The following NELL2 variants were observed in gnomAD, a reference collection of about 807,000 sequenced individuals.
NELL2 encodes the protein neural EGFL like 2.
Under a neutral mutation model 109.6 loss-of-function variants are expected in NELL2, and 41 were observed. The observed-to-expected ratio is 0.37, with a 90% CI of 0.29 to 0.49. The LOEUF is 0.49. NELL2 is among the 20% of genes least tolerant of loss of function. The pLI is 0.98. For synonymous variants in NELL2, 355 were observed against 344.7 expected (o/e 1.03, Z -0.33); for missense variants, 900 against 1,008.3 (o/e 0.89, Z 1.45).
At chr12:44,569,760 AT>A (rs35016680) in intron 15 of NELL2, among the ~76,000 whole-genome samples, 5,492 of 152,134 alleles carry the variant, frequency 0.036, 351 homozygotes, top group African/African-American at 0.13. Flanking sequence ...TGATCTATGA[AT>A]TTTTTTTATG....
At chr12:44,762,417 A>G (rs1304860009) in intron 9 of NELL2, among the ~76,000 whole-genome samples, 1 of 152,158 alleles carries the variant, frequency 6.6e-6, no homozygotes, top group African/African-American at 2.4e-5. Context: ...TTCAAAATAT[A>G]GTACATCCAA....
At chr12:44,792,395 T>C (rs1263014525) in intron 3 of NELL2, among the ~76,000 whole-genome samples, 2 of 152,120 alleles carry the variant, frequency 1.3e-5, no homozygotes, top group African/African-American at 4.8e-5. Flanking sequence ...GCTTGTATGC[T>C]GCTGCGGATA....
Position 44,876,163 on chromosome 12 carries a change from C to T in NELL2, c.-294G>A. 1 of 1,260,158 alleles carries T rather than the reference C, an allele frequency of 7.9e-7. No homozygotes were observed. The highest frequency in any genetic ancestry group is 3.4e-5 in the East Asian group (1 of 28,986). The allele number at this position is 1,260,158 out of a possible 1,614,324, so 78.1% of individuals were successfully genotyped here. A position where few individuals can be genotyped will look rare whatever the true frequency, so the allele number is the denominator to read the frequency against. On this transcript the variant is annotated 5_prime_UTR_variant, in exon 1 of 20. Transcript: ENST00000429094. Reference sequence around the variant, plus strand: ...GGGTCGGACTCGCCCCGGCGCGGCTCCGTCGGGGAATTAGCTCCCGAGCCG... The same window carrying T: ...GGGTCGGACTCGCCCCGGCGCGGCTTCGTCGGGGAATTAGCTCCCGAGCCG...
At chr12:44,609,736 G>C (rs1945539976) in intron 14 of NELL2, among the ~76,000 whole-genome samples, 1 of 151,876 alleles carries the variant, frequency 6.6e-6, no homozygotes, top group Admixed American at 6.6e-5. Context: ...CCCATCTCTG[G>C]CTACAGTGTA....
intron 9 of NELL2, among the ~76,000 whole-genome samples, chr12:44,745,764 A>C (rs1305013828): frequency 6.6e-6 from 1 of 152,198 alleles, no homozygotes; most frequent in African/African-American, 2.4e-5. Flanking sequence ...CTCTTCAAGG[A>C]CAACTACAAA....
At chr12:44,631,974 C>T (rs1406209704) in intron 13 of NELL2, among the ~76,000 whole-genome samples, 1 of 152,032 alleles carries the variant, frequency 6.6e-6, no homozygotes, top group Non-Finnish European at 1.5e-5. Context: ...GATCATACAT[C>T]CTATCTAAGT....
chr12:44,882,833 CCTTTT>C (rs1945430228), intron 1 of NELL2, among the ~76,000 whole-genome samples: 11 of 131,982 alleles, frequency 8.3e-5, no homozygotes, highest in Admixed American at 8.1e-4. Context: ...TGGCTATATA[CCTTTT>C]TTTTTTTTTT....
upstream of NELL2, among the ~76,000 whole-genome samples, chr12:44,879,295 C>T (rs968716791): frequency 1.7e-4 from 26 of 152,108 alleles, no homozygotes; most frequent in African/African-American, 6.0e-4. Flanking sequence ...AACAACCATC[C>T]GTAAGATAAT....
chr12:44,907,076 C>T (rs1945727248), intron 1 of NELL2, among the ~76,000 whole-genome samples: 1 of 152,014 alleles, frequency 6.6e-6, no homozygotes, highest in Admixed American at 6.6e-5. Flanking sequence ...GGGCTTTTCC[C>T]CCTCTTCATT....
At chr12:44,679,792 C>T (rs1051624476) in intron 12 of NELL2, among the ~76,000 whole-genome samples, 5 of 152,066 alleles carry the variant, frequency 3.3e-5, no homozygotes, top group Admixed American at 6.6e-5. Context: ...TACTCTTCTC[C>T]GCCAATCTAA....
At chr12:44,860,640 C>T (rs1024191408) in intron 2 of NELL2, among the ~76,000 whole-genome samples, 10 of 152,306 alleles carry the variant, frequency 6.6e-5, no homozygotes, top group African/African-American at 2.4e-4. Flanking sequence ...ACTCAATTAC[C>T]TCCCTCTCCC....
chr12:44,650,420 G>A (rs1159629123), intron 13 of NELL2, among the ~76,000 whole-genome samples: 3 of 151,556 alleles, frequency 2.0e-5, no homozygotes, highest in South Asian at 4.2e-4. Context: ...CTCAGCTTCC[G>A]GAGTAGCTGG....
chr12:44,881,371 A>G (rs1945410216), intron 1 of NELL2, among the ~76,000 whole-genome samples: 1 of 152,010 alleles, frequency 6.6e-6, no homozygotes. Flanking sequence ...ACAAATAAAC[A>G]CAAATACTCT....
At chr12:44,737,912 A>T (rs925130691) in intron 9 of NELL2, among the ~76,000 whole-genome samples, 18 of 152,136 alleles carry the variant, frequency 1.2e-4, no homozygotes, top group Non-Finnish European at 2.2e-4. Flanking sequence ...TGTATGACAG[A>T]CTACAGATTA....
At position 44,889,368 on chromosome 12, in the gene NELL2, A is replaced by G. The variant is rs143186500; in HGVS notation, c.39-13468T>C. On this transcript the variant is annotated intron_variant, in intron 1 of 20. Coordinates refer to the NELL2 transcript ENST00000333837. ...TGGCTTATCATATGCATTAGTCTTCAAGAGCCATGAGTCATCAGTTCAAAA... is the reference window on the plus strand; with the variant it reads ...TGGCTTATCATATGCATTAGTCTTCGAGAGCCATGAGTCATCAGTTCAAAA... 3.8e-3 allele frequency among the ~76,000 whole-genome samples: 572 copies of G among 152,138 alleles called. 13 individuals are homozygous for G. Among genetic ancestry groups the G allele is most frequent in the East Asian group, 0.035 (181 of 5,172 alleles).
chr12:44,747,871 C>T lies in NELL2; in HGVS notation c.994+26876G>A, dbSNP rs10880664. Among the ~76,000 whole-genome samples, 205 of 152,226 alleles carry T rather than the reference C, an allele frequency of 1.3e-3. 4 individuals are homozygous for T. In the East Asian group the frequency reaches 0.03, roughly 23 times the overall value. ...AATTTTAGACTTTCCTTTGGTATAGCAGAGGAAACCTGCATGCTAACTGGT... is the reference window on the plus strand; with the variant it reads ...AATTTTAGACTTTCCTTTGGTATAGTAGAGGAAACCTGCATGCTAACTGGT... On this transcript the variant is annotated intron_variant, in intron 9 of 19. Coordinates refer to ENST00000429094, the MANE Select transcript of NELL2 (RefSeq NM_001145108.2).
At chr12:44,736,466 C>T (rs1182953958) in intron 9 of NELL2, among the ~76,000 whole-genome samples, 1 of 151,796 alleles carries the variant, frequency 6.6e-6, no homozygotes, top group Admixed American at 6.6e-5. Context: ...TAACAGTAGA[C>T]TAAATAGTCG....
intron 3 of NELL2, among the ~76,000 whole-genome samples, chr12:44,788,947 G>A (rs797003670): frequency 5.3e-5 from 8 of 151,994 alleles, no homozygotes; most frequent in African/African-American, 1.7e-4. Context: ...AATCCTCCTA[G>A]GTTCACAACT....
At chr12:44,849,065 T>C (rs980970746) in intron 2 of NELL2, among the ~76,000 whole-genome samples, 2 of 152,234 alleles carry the variant, frequency 1.3e-5, no homozygotes, top group African/African-American at 4.8e-5. Flanking sequence ...TGTTTCTTTC[T>C]GTTGAATTTA....
Sources: gnomAD v4.1 joint callset for allele counts (sites outside exome capture counted in the v4.1 genomes callset) on GRCh38, gnomAD v4.1.1 for gene constraint, MANE v1.5 for transcripts, NCBI Gene and HGNC (gene_info 2026-07-23, HGNC 2026-07-21) for gene names.